The following KCNMB2 variants were observed in gnomAD, a reference collection of about 807,000 sequenced individuals.
KCNMB2 encodes calcium-activated potassium channel subunit beta-2.
KCNMB2 carries 9 observed loss-of-function variants against 24.5 expected under a neutral mutation model. The observed-to-expected ratio is 0.37, with a 90% CI of 0.22 to 0.64. The LOEUF is 0.64. Ranked by LOEUF, KCNMB2 falls within the 30% of genes least tolerant of loss-of-function variation. The pLI is 0.63. For synonymous variants in KCNMB2, 109 were observed against 104.4 expected, an observed-to-expected ratio of 1.04 and a Z score of -0.27; for missense variants, 226 against 284.3, an observed-to-expected ratio of 0.79 and a Z score of 1.47.
At chr3:178,632,436 C>T (rs1279032124) in intron 1 of KCNMB2, among the ~76,000 whole-genome samples, 1 of 152,164 alleles carries the variant, frequency 6.6e-6, no homozygotes, top group East Asian at 1.9e-4. Flanking sequence ...AACTTACAAT[C>T]GTGGCAGAGG....
chr3:178,742,000 C>T (rs901182039), intron 1 of KCNMB2, among the ~76,000 whole-genome samples: 2 of 152,138 alleles, frequency 1.3e-5, no homozygotes, highest in Admixed American at 6.5e-5. Context: ...TCTTTCTTAA[C>T]TATTACAGAT....
At chr3:178,643,346 T>A (rs1250948288) in intron 1 of KCNMB2, among the ~76,000 whole-genome samples, 1 of 152,168 alleles carries the variant, frequency 6.6e-6, no homozygotes, top group African/African-American at 2.4e-5. Context: ...TTGATTGTAG[T>A]AGTGTTTACA....
intron 1 of KCNMB2, among the ~76,000 whole-genome samples, chr3:178,800,814 G>A (rs1252294870): frequency 6.6e-6 from 1 of 152,054 alleles, no homozygotes; most frequent in Admixed American, 6.6e-5. Context: ...AGAAAATGTG[G>A]TACATATACA....
At chr3:178,824,286 A>G (rs1273011183) in intron 2 of KCNMB2, among the ~76,000 whole-genome samples, 1 of 151,996 alleles carries the variant, frequency 6.6e-6, no homozygotes, top group East Asian at 1.9e-4. Flanking sequence ...CAATTTTAGG[A>G]TGTTCTGATG....
chr3:178,634,412 T>C (rs1719437716), intron 1 of KCNMB2, among the ~76,000 whole-genome samples: 1 of 152,082 alleles, frequency 6.6e-6, no homozygotes. Flanking sequence ...CTTAAAATCA[T>C]GGCAGAAGGG....
intron 1 of KCNMB2, among the ~76,000 whole-genome samples, chr3:178,686,769 T>C (rs568851802): frequency 2.6e-5 from 4 of 152,212 alleles, no homozygotes; most frequent in African/African-American, 9.6e-5. Flanking sequence ...ACCCAAATAA[T>C]CAAAGAGGAA....
intron 1 of KCNMB2, among the ~76,000 whole-genome samples, chr3:178,723,244 A>G (rs1722865249): frequency 6.6e-6 from 1 of 152,318 alleles, no homozygotes; most frequent in African/African-American, 2.4e-5. Flanking sequence ...TCAGATTGTG[A>G]TATCTTTAAA....
intron 1 of KCNMB2, among the ~76,000 whole-genome samples, chr3:178,710,654 G>A (rs979380703): frequency 6.6e-6 from 1 of 152,094 alleles, no homozygotes; most frequent in South Asian, 2.1e-4. Flanking sequence ...GTGTGTGCGT[G>A]TCTCTGTGTA....
At chr3:178,619,890 CT>C (rs1718847254) in intron 1 of KCNMB2, among the ~76,000 whole-genome samples, 1 of 152,162 alleles carries the variant, frequency 6.6e-6, no homozygotes, top group Non-Finnish European at 1.5e-5. Flanking sequence ...ATTCTTACCC[CT>C]ATACACTCCA....
chr3:178,708,760 G>A (rs1191482889), intron 1 of KCNMB2, among the ~76,000 whole-genome samples: 1 of 152,014 alleles, frequency 6.6e-6, no homozygotes, highest in Non-Finnish European at 1.5e-5. Context: ...TTACAAAGAG[G>A]ATATTGAAGC....
At chr3:178,643,028 G>A (rs1473205880) in intron 1 of KCNMB2, among the ~76,000 whole-genome samples, 1 of 152,204 alleles carries the variant, frequency 6.6e-6, no homozygotes, top group Non-Finnish European at 1.5e-5. Context: ...TATGTGCTGG[G>A]TGGGACAAGG....
At chr3:178,742,919 C>T (rs1177570166) in intron 1 of KCNMB2, among the ~76,000 whole-genome samples, 8 of 152,124 alleles carry the variant, frequency 5.3e-5, no homozygotes, top group Non-Finnish European at 1.2e-4. Context: ...TCACTAGGGC[C>T]TTGTCCAGGC....
intron 1 of KCNMB2, among the ~76,000 whole-genome samples, chr3:178,758,291 GATATATATATATATCTCCAAGGGGATAT>G: frequency 1.9e-4 from 1 of 5,134 alleles, no homozygotes; most frequent in East Asian, 2.4e-3. Context: ...TCTCCAAGGG[GATATATATATATATCTCCAAGGGGATAT>G]ATATATATAT....
At chr3:178,698,890 A>C (rs912883259) in intron 1 of KCNMB2, among the ~76,000 whole-genome samples, 1 of 152,216 alleles carries the variant, frequency 6.6e-6, no homozygotes, top group Non-Finnish European at 1.5e-5. Flanking sequence ...GCCAACCCTC[A>C]GCTCCCAACT....
chr3:178,621,095 C>A (rs550850182), intron 1 of KCNMB2, among the ~76,000 whole-genome samples: 34 of 152,090 alleles, frequency 2.2e-4, no homozygotes, highest in Admixed American at 4.6e-4. Context: ...GGAATATGCA[C>A]AATGAATAGA....
intron 1 of KCNMB2, among the ~76,000 whole-genome samples, chr3:178,759,892 C>A (rs1431356088): frequency 3.5e-4 from 3 of 8,488 alleles, no homozygotes; most frequent in Admixed American, 1.8e-3. Context: ...ATATATATAT[C>A]CAAGAGGATA....
At chr3:178,574,416 A>G (rs1425606572) in intron 1 of KCNMB2, among the ~76,000 whole-genome samples, 2 of 152,200 alleles carry the variant, frequency 1.3e-5, no homozygotes, top group Non-Finnish European at 2.9e-5. Context: ...GTATTTCTTC[A>G]TGTTCAACTT....
intron 1 of KCNMB2, among the ~76,000 whole-genome samples, chr3:178,713,624 C>G (rs1171244352): frequency 2.6e-5 from 4 of 152,140 alleles, no homozygotes; most frequent in African/African-American, 9.7e-5. Flanking sequence ...CCTACCTCCA[C>G]TCTTCACCCC....
intron 1 of KCNMB2, among the ~76,000 whole-genome samples, chr3:178,756,378 T>A (rs972479257): frequency 6.6e-6 from 1 of 152,062 alleles, no homozygotes; most frequent in African/African-American, 2.4e-5. Flanking sequence ...AATAAAGAAT[T>A]AGGTTTCTGT....
Sources: gnomAD v4.1 joint callset for allele counts (sites outside exome capture counted in the v4.1 genomes callset) on GRCh38, gnomAD v4.1.1 for gene constraint, MANE v1.5 for transcripts, NCBI Gene and HGNC (gene_info 2026-07-23, HGNC 2026-07-21) for gene names.